SCHIP1: variants seen among roughly 807,000 people sequenced by gnomAD.
SCHIP1 encodes schwannomin-interacting protein 1.
A neutral mutation model predicts 29.7 loss-of-function variants in SCHIP1; 8 were observed. The ratio of observed to expected loss-of-function variants is 0.27; its 90% confidence interval spans 0.16 to 0.49. SCHIP1 has a LOEUF of 0.49. Among genes scored for constraint, SCHIP1 ranks in the 20% least tolerant of loss-of-function variants. SCHIP1 has a pLI of 0.99. For synonymous variants in SCHIP1, 76 were observed against 94.9 expected, an observed-to-expected ratio of 0.80 and a Z score of 1.16; for missense variants, 193 against 294.6, an observed-to-expected ratio of 0.66 and a Z score of 2.52.
At chr3:159,535,991 T>A in the SCHIP1 span, among the ~76,000 whole-genome samples, 3 of 152,354 alleles carry the variant, frequency 2.0e-5, no homozygotes, top group East Asian at 5.8e-4. Context: ...CACATGTGAC[T>A]ATTTAAATTT....
the SCHIP1 span, among the ~76,000 whole-genome samples, chr3:159,402,297 A>T: frequency 6.6e-6 from 1 of 152,162 alleles, no homozygotes; most frequent in African/African-American, 2.4e-5. Flanking sequence ...GCTGGAGAGG[A>T]TGTGGAGAAA....
At chr3:159,672,874 G>T in the SCHIP1 span, among the ~76,000 whole-genome samples, 1 of 152,166 alleles carries the variant, frequency 6.6e-6, no homozygotes, top group Non-Finnish European at 1.5e-5. Flanking sequence ...GGAGTCTCTG[G>T]CACAGAAAAC....
At chr3:159,435,760 G>A in the SCHIP1 span, among the ~76,000 whole-genome samples, 1 of 152,114 alleles carries the variant, frequency 6.6e-6, no homozygotes, top group South Asian at 2.1e-4. Flanking sequence ...TCTGCATGGT[G>A]TCATCTCCCT....
chr3:159,571,859 G>T, the SCHIP1 span, among the ~76,000 whole-genome samples: 20,428 of 152,142 alleles, frequency 0.13, 1,601 homozygotes, highest in East Asian at 0.21. Flanking sequence ...TCCTGGTAGG[G>T]TGTATGTGTC....
the SCHIP1 span, among the ~76,000 whole-genome samples, chr3:159,707,871 C>A: frequency 6.6e-6 from 1 of 152,178 alleles, no homozygotes; most frequent in African/African-American, 2.4e-5. Flanking sequence ...CACCCCTTTA[C>A]AGCAGGCAAC....
At chr3:159,384,410 T>C in the SCHIP1 span, among the ~76,000 whole-genome samples, 1 of 151,266 alleles carries the variant, frequency 6.6e-6, no homozygotes, top group African/African-American at 2.4e-5. Context: ...CTGGATTATG[T>C]TTATTGATTT....
At chr3:159,772,997 T>C in the SCHIP1 span, among the ~76,000 whole-genome samples, 1 of 152,256 alleles carries the variant, frequency 6.6e-6, no homozygotes, top group Non-Finnish European at 1.5e-5. Context: ...TGCCTCAGCC[T>C]CCCAAAGTGC....
chr3:159,572,102 G>GT, the SCHIP1 span, among the ~76,000 whole-genome samples: 285 of 152,096 alleles, frequency 1.9e-3, 2 homozygotes, highest in African/African-American at 6.4e-3. Context: ...TTTTTGAAGG[G>GT]TTTTTTTATG....
chr3:159,587,473 T>C, the SCHIP1 span, among the ~76,000 whole-genome samples: 5 of 152,116 alleles, frequency 3.3e-5, no homozygotes, highest in African/African-American at 1.2e-4. Flanking sequence ...TACATAACTT[T>C]TTTATTTTTA....
the SCHIP1 span, among the ~76,000 whole-genome samples, chr3:159,287,486 TGAA>T: frequency 6.6e-6 from 1 of 151,956 alleles, no homozygotes. Flanking sequence ...TAATTTGTGT[TGAA>T]GAAAATTTTA....
chr3:159,399,158 C>T, the SCHIP1 span, among the ~76,000 whole-genome samples: 1 of 152,162 alleles, frequency 6.6e-6, no homozygotes, highest in Non-Finnish European at 1.5e-5. Context: ...CCCAAATCTG[C>T]ACAGCCAATT....
At chr3:159,302,325 A>AGAG in the SCHIP1 span, among the ~76,000 whole-genome samples, 8,038 of 152,278 alleles carry the variant, frequency 0.053, 572 homozygotes, top group African/African-American at 0.17. Flanking sequence ...CTCATATTGC[A>AGAG]ATAAGTTTAT....
chr3:159,447,350 A>G, the SCHIP1 span, among the ~76,000 whole-genome samples: 1 of 152,222 alleles, frequency 6.6e-6, no homozygotes, highest in South Asian at 2.1e-4. Flanking sequence ...TCATGATCCA[A>G]AAGGCCTTCA....
the SCHIP1 span, among the ~76,000 whole-genome samples, chr3:159,601,081 C>G: frequency 6.6e-6 from 1 of 152,076 alleles, no homozygotes; most frequent in South Asian, 2.1e-4. Flanking sequence ...TCTTTGTGCC[C>G]CAGGGTGGTG....
At chr3:159,417,344 C>T in the SCHIP1 span, among the ~76,000 whole-genome samples, 5 of 152,162 alleles carry the variant, frequency 3.3e-5, no homozygotes, top group African/African-American at 1.2e-4. Flanking sequence ...GTCACGCAAT[C>T]ACTCGGGATC....
chr3:159,449,473 A>T, the SCHIP1 span, among the ~76,000 whole-genome samples: 1 of 152,204 alleles, frequency 6.6e-6, no homozygotes, highest in Non-Finnish European at 1.5e-5. Context: ...CAATAGGCCC[A>T]AAGACATTAA....
chr3:159,474,101 A>C, the SCHIP1 span, among the ~76,000 whole-genome samples: 1 of 152,112 alleles, frequency 6.6e-6, no homozygotes, highest in African/African-American at 2.4e-5. Flanking sequence ...ATCTCCTTTT[A>C]AGCATTTTTC....
chr3:159,335,675 A>G, the SCHIP1 span, among the ~76,000 whole-genome samples: 1 of 152,148 alleles, frequency 6.6e-6, no homozygotes, highest in African/African-American at 2.4e-5. Flanking sequence ...ACATGAACTC[A>G]TCATTTTTTA....
At chr3:159,662,177 T>C in the SCHIP1 span, among the ~76,000 whole-genome samples, 1 of 152,112 alleles carries the variant, frequency 6.6e-6, no homozygotes. Flanking sequence ...CTCTTTAAAA[T>C]AGCCAATCAG....
Sources: allele counts gnomAD v4.1 joint callset (sites outside exome capture counted in the v4.1 genomes callset), GRCh38; gene constraint gnomAD v4.1.1; transcripts MANE v1.5; gene names NCBI Gene and HGNC (gene_info 2026-07-23, HGNC 2026-07-21).